Variants in IQCH observed in about 807,000 individuals in gnomAD.
The protein encoded by IQCH is IQ motif containing H.
A neutral mutation model predicts 117.0 loss-of-function variants in IQCH; 98 were observed. That is an observed-to-expected ratio of 0.84 (90% confidence interval 0.71 to 0.99). The LOEUF is 0.99. Ranked by LOEUF, IQCH falls within the 50% of genes least tolerant of loss-of-function variation. IQCH has a pLI of 0.00. For missense variants in IQCH, 1,102 were observed against 1,243.8 expected, an observed-to-expected ratio of 0.89 and a Z score of 1.72; for synonymous variants, 412 against 448.2, an observed-to-expected ratio of 0.92 and a Z score of 1.02.
At chr15:67,317,222 T>A (rs28733409) in intron 4 of IQCH, among the ~76,000 whole-genome samples, 3 of 152,186 alleles carry the variant, frequency 2.0e-5, no homozygotes, top group Non-Finnish European at 4.4e-5. Flanking sequence ...TTTTTATTTT[T>A]ATTTTTTTGA....
intron 4 of IQCH, among the ~76,000 whole-genome samples, chr15:67,310,323 G>T (rs1415357528): frequency 6.6e-6 from 1 of 152,082 alleles, no homozygotes; most frequent in South Asian, 2.1e-4. Context: ...GTGTGTGTGT[G>T]TACATTTGAA....
intron 6 of IQCH, among the ~76,000 whole-genome samples, chr15:67,346,953 A>T (rs1186015341): frequency 6.6e-6 from 1 of 152,148 alleles, no homozygotes; most frequent in Non-Finnish European, 1.5e-5. Context: ...AGTCACAAGG[A>T]TATTAAAAAA....
At chr15:67,379,119 C>A (rs1455995745) in intron 10 of IQCH, among the ~76,000 whole-genome samples, 1 of 152,116 alleles carries the variant, frequency 6.6e-6, no homozygotes, top group Non-Finnish European at 1.5e-5. Context: ...TCTGACAGGT[C>A]TGAAAAATTA....
At chr15:67,281,535 C>G (rs186296825) in intron 4 of IQCH, 41 of 344,006 alleles carry the variant, frequency 1.2e-4, no homozygotes, top group African/African-American at 8.6e-4. Flanking sequence ...CAAAGATGGC[C>G]TTGTGTGTAG....
Position 67,353,133 on chromosome 15 carries a change from G to A in IQCH, c.638-4212G>A, listed in dbSNP as rs373689481. 1.1e-4 allele frequency among the ~76,000 whole-genome samples: 17 copies of A among 150,346 alleles called. No individual in the cohort carries two copies. In the South Asian group the frequency reaches 2.5e-3, roughly 22 times the overall value. On this transcript the variant is annotated intron_variant, in intron 6 of 20. Coordinates refer to ENST00000335894, the MANE Select transcript of IQCH (RefSeq NM_001031715.3). ...TGCAATCCAGCCTGAGTGACAGAGC[G>A]AGACTCAGTCTCAAAAAAAAAAATA...
In IQCH at chr15:67,476,587, G is replaced by A. The variant is rs1434562251; in HGVS notation, c.2799+769G>A. ...ATAAAAACCATTTTCTCTACTTTTGGTCTATTTCCAATGATACCGGGGGCC... is the reference window on the plus strand; with the variant it reads ...ATAAAAACCATTTTCTCTACTTTTGATCTATTTCCAATGATACCGGGGGCC... On this transcript the variant is annotated intron_variant, in intron 18 of 20. Transcript: ENST00000335894. The surrounding 1 kb of genome is among the most constrained non-coding windows in gnomAD (Gnocchi z 4.1). Among the ~76,000 whole-genome samples the A allele has an allele frequency of 2.0e-5, 3 of 152,066 alleles. No individual in the cohort carries two copies. Among genetic ancestry groups the A allele is most frequent in the African/African-American group, 7.2e-5 (3 of 41,388 alleles).
At position 67,400,276 on chromosome 15, in the gene IQCH, C is replaced by T. The variant is rs1419426331; in HGVS notation, c.2068C>T (p.Leu690Phe). The T allele has an allele frequency of 1.9e-6, 3 of 1,613,430 alleles. No individual in the cohort carries two copies. Among genetic ancestry groups the T allele is most frequent in the African/African-American group, 2.7e-5 (2 of 74,872 alleles). The change falls in exon 14 of 21, where the codon CTT becomes TTT. Residue 690 changes from leucine (L) to phenylalanine (F), a missense_variant. Coordinates refer to ENST00000335894, the MANE Select transcript of IQCH (RefSeq NM_001031715.3). ...WVLKESSRYG[L>F]EDWRKKWAQE... Reference sequence around the variant, plus strand: ...GCTAAAGGAGAGTAGCAGATATGGCCTTGAAGACTGGAGAAAGAAATGGGC... The same window carrying T: ...GCTAAAGGAGAGTAGCAGATATGGCTTTGAAGACTGGAGAAAGAAATGGGC...
chr15:67,497,017 T>C (rs1331268360), intron 20 of IQCH, among the ~76,000 whole-genome samples: 6 of 98,226 alleles, frequency 6.1e-5, no homozygotes, highest in Admixed American at 1.4e-4. Flanking sequence ...AGAGCGAGAC[T>C]CCGTCTCAAA....
intron 4 of IQCH, among the ~76,000 whole-genome samples, chr15:67,326,464 T>A (rs958747104): frequency 6.6e-6 from 1 of 152,228 alleles, no homozygotes; most frequent in African/African-American, 2.4e-5. Context: ...TGATTTATAA[T>A]CCTTTGGGTA....
intron 15 of IQCH, among the ~76,000 whole-genome samples, chr15:67,419,069 A>G (rs1054948185): frequency 6.6e-6 from 1 of 152,054 alleles, no homozygotes; most frequent in African/African-American, 2.4e-5. Context: ...GAGCTGTATA[A>G]CCACAAGCTA....
In IQCH at chr15:67,418,824, C is replaced by T. The variant is rs186407055; in HGVS notation, c.2218+1773C>T. 4.6e-3 allele frequency among the ~76,000 whole-genome samples: 703 copies of T among 152,018 alleles called. 7 individuals are homozygous for T. The highest frequency in any genetic ancestry group is 0.016 in the African/African-American group (656 of 41,480). On this transcript the variant is annotated intron_variant, in intron 15 of 20. Transcript: ENST00000335894. ...AACTCCTGACCTAAGGTGATCCGCC[C>T]GCCTCGGCCTCCCGAAGTGCTGGGA...
Position 67,289,061 on chromosome 15 carries a change from A to C in IQCH, c.387+9549A>C, listed in dbSNP as rs113863895. 5.7e-3 allele frequency among the ~76,000 whole-genome samples: 868 copies of C among 152,252 alleles called. 10 individuals carry two copies. Among genetic ancestry groups the C allele is most frequent in the African/African-American group, 0.02 (819 of 41,568 alleles). ...CTGGGGGGAACCCAATGAGTTCCTC[A>C]TGGTTAAAATGTAGACAGTATTGTT... On this transcript the variant is annotated intron_variant, in intron 4 of 20. Coordinates refer to ENST00000335894, the MANE Select transcript of IQCH (RefSeq NM_001031715.3).
chr15:67,259,726 G>A (rs8038652), intron 1 of IQCH, among the ~76,000 whole-genome samples: 34,315 of 152,244 alleles, frequency 0.23, 4,409 homozygotes, highest in East Asian at 0.48. Flanking sequence ...CAGGCCTAGA[G>A]AGGGCCTTGC....
chr15:67,344,070 AAGT>A lies in IQCH; in HGVS notation c.518_520del (p.Ser173del). ...ATTAATGTTTCTTTTTAGGGATTTTAAGTATGATAGAACGAGGGCTGATTCCAC... is the reference window on the plus strand; with the variant it reads ...ATTAATGTTTCTTTTTAGGGATTTTAATGATAGAACGAGGGCTGATTCCAC... On this transcript the variant is annotated inframe_deletion, in exon 6 of 21. Transcript: ENST00000335894. 8 of 1,612,022 alleles carry A rather than the reference AAGT, an allele frequency of 5.0e-6. No individual in the cohort carries two copies. Among genetic ancestry groups the A allele is most frequent in the Non-Finnish European group, 6.8e-6 (8 of 1,178,724 alleles).
In IQCH at chr15:67,417,274, G is replaced by A. The variant is rs558412747; in HGVS notation, c.2218+223G>A. Among the ~76,000 whole-genome samples the A allele has an allele frequency of 2.0e-5, 3 of 152,328 alleles. No homozygotes were observed. Among genetic ancestry groups the A allele is most frequent in the African/African-American group, 7.2e-5 (3 of 41,572 alleles). On this transcript the variant is annotated intron_variant, in intron 15 of 20. Coordinates refer to ENST00000335894, the MANE Select transcript of IQCH (RefSeq NM_001031715.3). This position sits in a 1 kb window ranked among gnomAD's most constrained non-coding sequence, Gnocchi z 4.3. ...GCCAAGCATGGCATGGGAAGCTCAAGATTCTGGGCCTTTTTTTACACTACA... is the reference window on the plus strand; with the variant it reads ...GCCAAGCATGGCATGGGAAGCTCAAAATTCTGGGCCTTTTTTTACACTACA...
chr15:67,470,309 C>T (rs1355678883), intron 17 of IQCH, among the ~76,000 whole-genome samples: 1 of 152,178 alleles, frequency 6.6e-6, no homozygotes, highest in Non-Finnish European at 1.5e-5. Flanking sequence ...TCCCGAGTAG[C>T]TGGGACTACA....
rs2083154491 is a variant in IQCH at position 67,474,490 on chromosome 15, T to C, written c.2677-1206T>C. On this transcript the variant is annotated intron_variant, in intron 17 of 20. Transcript: ENST00000335894. The surrounding 1 kb of genome is among the most constrained non-coding windows in gnomAD (Gnocchi z 4.1). ...CAAATATCACATCTCAAAAAGAACA[T>C]GCTATAAAACTGCCAGGATCCAGTT... Among the ~76,000 whole-genome samples, 1 of 152,166 alleles carries C rather than the reference T, an allele frequency of 6.6e-6. No homozygotes were observed. Among genetic ancestry groups the C allele is most frequent in the African/African-American group, 2.4e-5 (1 of 41,432 alleles).
chr15:67,339,174 A>G (rs779229309), intron 5 of IQCH, among the ~76,000 whole-genome samples: 19 of 152,212 alleles, frequency 1.2e-4, no homozygotes. Flanking sequence ...GAATGACAGA[A>G]TGAATGAACT....
In IQCH at chr15:67,493,763, CTCG is replaced by C. The variant is rs1457547509; in HGVS notation, c.2862-492_2862-490del. On this transcript the variant is annotated intron_variant, in intron 19 of 20. Coordinates refer to ENST00000335894, the MANE Select transcript of IQCH (RefSeq NM_001031715.3). This position sits in a 1 kb window ranked among gnomAD's most constrained non-coding sequence, Gnocchi z 5.1. ...CATGTTAGTGTCCTGCACCCATTAA[CTCG>C]TCATTTACATTAGGTATATCTCCTA... 3.9e-5 allele frequency among the ~76,000 whole-genome samples: 6 copies of C among 152,132 alleles called. No individual in the cohort carries two copies. The highest frequency in any genetic ancestry group is 1.4e-4 in the African/African-American group (6 of 41,414).
Sources: gnomAD v4.1 joint callset for allele counts (sites outside exome capture counted in the v4.1 genomes callset) on GRCh38, gnomAD v4.1.1 for gene constraint, Gnocchi (gnomAD v3.1) non-coding constraint, MANE v1.5 for transcripts, NCBI Gene and HGNC (gene_info 2026-07-23, HGNC 2026-07-21) for gene names.